The following ECI2 variants were observed in gnomAD, a reference collection of about 807,000 sequenced individuals.
The protein encoded by ECI2 is enoyl-CoA delta isomerase 2.
Under a neutral mutation model 38.4 loss-of-function variants are expected in ECI2, and 27 were observed. The ratio of observed to expected loss-of-function variants is 0.70; its 90% CI spans 0.52 to 0.97. ECI2 has a LOEUF of 0.97. Ranked by LOEUF, ECI2 falls within the 50% of genes least tolerant of loss-of-function variation. The pLI, the probability that ECI2 is intolerant of heterozygous loss-of-function variation, is 0.00. For synonymous variants in ECI2, 168 were observed against 172.0 expected (o/e 0.98, Z 0.18); for missense variants, 470 against 474.4 (o/e 0.99, Z 0.09).
intron 2 of ECI2, among the ~76,000 whole-genome samples, chr6:4,131,810 T>A (rs768856880): frequency 7.9e-5 from 12 of 152,094 alleles, no homozygotes; most frequent in Non-Finnish European, 1.6e-4. Context: ...TGAGCTGAGA[T>A]GGTGCCGCTG....
At chr6:4,122,624 T>C (rs1199901217) in intron 7 of ECI2, among the ~76,000 whole-genome samples, 1 of 151,938 alleles carries the variant, frequency 6.6e-6, no homozygotes, top group Non-Finnish European at 1.5e-5. Flanking sequence ...GCCTACCAAG[T>C]AGCTGGGACT....
At chr6:4,121,254 T>C (rs1270340984) in intron 7 of ECI2, among the ~76,000 whole-genome samples, 3 of 152,260 alleles carry the variant, frequency 2.0e-5, no homozygotes, top group Non-Finnish European at 2.9e-5. Flanking sequence ...ATATTTTCTT[T>C]GGTGAAGCAA....
intron 7 of ECI2, chr6:4,122,140 A>C: frequency 1.5e-6 from 1 of 660,506 alleles, no homozygotes; most frequent in South Asian, 2.3e-5. Context: ...CTGGCGTCAG[A>C]CTACTTAGGG....
chr6:4,116,971 C>A (rs1772320831), intron 9 of ECI2, among the ~76,000 whole-genome samples: 1 of 152,170 alleles, frequency 6.6e-6, no homozygotes, highest in Non-Finnish European at 1.5e-5. Context: ...AAGTGCTATA[C>A]AATAAGACTC....
intron 1 of ECI2, chr6:4,135,170 A>G (rs1581999743): frequency 3.4e-6 from 2 of 596,132 alleles, no homozygotes; most frequent in East Asian, 3.9e-5. Flanking sequence ...TGGGAAGTGC[A>G]GGCCCGGGTG....
At chr6:4,125,563 G>T in intron 6 of ECI2, 193 bp from the exon 7 acceptor site, 1 of 762,028 alleles carries the variant, frequency 1.3e-6, no homozygotes, top group Non-Finnish European at 2.1e-6. Flanking sequence ...CCGTCTGAAT[G>T]GCAGTGGATG....
intron 7 of ECI2, among the ~76,000 whole-genome samples, chr6:4,120,771 C>A (rs1371044881): frequency 6.6e-6 from 1 of 151,826 alleles, no homozygotes; most frequent in Non-Finnish European, 1.5e-5. Context: ...AGGAGACCAG[C>A]GTTTTACATG....
chr6:4,130,889 T>C (rs370215289), intron 2 of ECI2, 24 bp from the exon 3 acceptor site: 2 of 1,606,416 alleles, frequency 1.2e-6, no homozygotes, highest in Admixed American at 1.7e-5. Context: ...AGGGGCAATA[T>C]GTTCAAATGT....
intron 7 of ECI2, among the ~76,000 whole-genome samples, chr6:4,122,636 C>A (rs1270186726): frequency 6.6e-6 from 1 of 151,788 alleles, no homozygotes; most frequent in Non-Finnish European, 1.5e-5. Context: ...GCTGGGACTA[C>A]AGGCGCCTGC....
chr6:4,119,718 C>A (rs1772553065), intron 7 of ECI2, among the ~76,000 whole-genome samples: 1 of 152,170 alleles, frequency 6.6e-6, no homozygotes, highest in Non-Finnish European at 1.5e-5. Flanking sequence ...TATGCACACA[C>A]AATTCACCCT....
Position 4,133,263 on chromosome 6 carries a change from G to C in ECI2, c.213+286C>G, listed in dbSNP as rs552659272. ...AATTGTCTTAAAAATACCTTTTTCA[G>C]TTGATTTATTCTAATCAAGAGCTAA... On this transcript the variant is annotated intron_variant, in intron 2 of 9. Coordinates refer to ENST00000380118, the MANE Select transcript of ECI2 (RefSeq NM_206836.3). Among the ~76,000 whole-genome samples the C allele has an allele frequency of 5.9e-5, 9 of 152,048 alleles. No homozygotes were observed. In the East Asian group the frequency reaches 1.7e-3, roughly 29 times the overall value.
intron 1 of ECI2, 106 bp downstream of exon 1, chr6:4,135,405 C>A: frequency 6.3e-7 from 1 of 1,587,144 alleles, no homozygotes. Context: ...ATCCTGTTGC[C>A]ACCTAGACAA....
intron 1 of ECI2, chr6:4,135,281 A>T: frequency 7.9e-7 from 1 of 1,272,322 alleles, no homozygotes; most frequent in Non-Finnish European, 1.1e-6. Flanking sequence ...AGGGAACCAT[A>T]GCCCTGACCT....
rs187208946 is a variant in ECI2 at position 4,132,651 on chromosome 6, T to G, written c.213+898A>C. On this transcript the variant is annotated intron_variant, in intron 2 of 9. Transcript: ENST00000380118. ...ACTTAAGAGCTTTAGTTTTTAAATT[T>G]TGTTATAAAAATTTCCAAACATACC... Among the ~76,000 whole-genome samples, 8 of 152,090 alleles carry G rather than the reference T, an allele frequency of 5.3e-5. No homozygotes were observed. The East Asian group carries it at 1.5e-3, about 29-fold the overall frequency.
intron 7 of ECI2, among the ~76,000 whole-genome samples, chr6:4,120,456 G>A (rs1772644077): frequency 6.6e-6 from 1 of 152,206 alleles, no homozygotes; most frequent in Admixed American, 6.5e-5. Context: ...GCCGGGTGTG[G>A]TGGCTCATGC....
In ECI2 at chr6:4,126,134, C is replaced by T. The variant is rs146626003; in HGVS notation, c.674+1G>A. On this transcript the variant is annotated splice_donor_variant, in intron 6 of 9. Coordinates refer to ENST00000380118, the MANE Select transcript of ECI2 (RefSeq NM_206836.3). LOFTEE classifies it high-confidence loss of function. ...ATCAGACAAAGGTCAGTAACTCTTA[C>T]CTCAGTAAAACGGCATTATTTTTAG... 1.9e-6 allele frequency: 3 copies of T among 1,612,690 alleles called. No individual in the cohort carries two copies. In the Admixed American group the frequency reaches 5.0e-5, roughly 27 times the overall value.
chr6:4,126,627 T>G (rs1047866537), intron 5 of ECI2, among the ~76,000 whole-genome samples: 11 of 152,126 alleles, frequency 7.2e-5, no homozygotes, highest in Admixed American at 6.5e-5. Context: ...GCAAAGGCTC[T>G]TTGGAGAGGT....
At position 4,115,856 on chromosome 6, in the gene ECI2, A is replaced by T; in HGVS notation, c.*18T>A. 6.3e-7 allele frequency: 1 copy of T among 1,599,078 alleles called. No individual in the cohort carries two copies. The highest frequency in any genetic ancestry group is 8.5e-7 in the Non-Finnish European group (1 of 1,173,860). On this transcript the variant is annotated 3_prime_UTR_variant, in exon 10 of 10. Coordinates refer to ENST00000380118, the MANE Select transcript of ECI2 (RefSeq NM_206836.3). ...GCACATCCTTCCTTGGACATGCTTT[A>T]CTCTGCTGTAGTGGTCATCACAGTT...
At chr6:4,121,672 T>A (rs1400654633) in intron 7 of ECI2, among the ~76,000 whole-genome samples, 1 of 150,936 alleles carries the variant, frequency 6.6e-6, no homozygotes, top group Non-Finnish European at 1.5e-5. Flanking sequence ...ATATTGGTTA[T>A]TTAGTATATA....
Sources: allele counts gnomAD v4.1 joint callset (sites outside exome capture counted in the v4.1 genomes callset), GRCh38; gene constraint gnomAD v4.1.1; transcripts MANE v1.5; gene names NCBI Gene and HGNC (gene_info 2026-07-23, HGNC 2026-07-21).